The following GABRR3 variants were observed in gnomAD, a reference collection of about 807,000 sequenced individuals.
GABRR3 encodes gamma-aminobutyric acid type A receptor subunit rho3.
A neutral mutation model predicts 43.2 loss-of-function variants in GABRR3; 29 were observed. The ratio of observed to expected loss-of-function variants is 0.67; its 90% CI spans 0.50 to 0.92. The LOEUF (loss-of-function observed/expected upper bound fraction) is 0.92, where lower values mean the gene tolerates loss of function less well. Among genes scored for constraint, GABRR3 ranks in the 40% least tolerant of loss-of-function variants. The pLI, the probability that GABRR3 is intolerant of heterozygous loss-of-function variation, is 0.00. For missense variants in GABRR3, 576 were observed against 572.3 expected, an observed-to-expected ratio of 1.01 and a Z score of -0.07; for synonymous variants, 206 against 195.9, an observed-to-expected ratio of 1.05 and a Z score of -0.43.
At chr3:98,016,110 A>G (rs927331936) in intron 4 of GABRR3, among the ~76,000 whole-genome samples, 1 of 152,050 alleles carries the variant, frequency 6.6e-6, no homozygotes, top group Non-Finnish European at 1.5e-5. Flanking sequence ...TATCACAAGA[A>G]CAGCATGGGG....
intron 9 of GABRR3, among the ~76,000 whole-genome samples, chr3:97,988,655 G>A (rs568827253): frequency 6.7e-6 from 1 of 150,036 alleles, no homozygotes; most frequent in African/African-American, 2.4e-5. Context: ...ATAGATGGTG[G>A]GTGGTGTTGG....
chr3:97,991,642 G>A (rs1428696166), intron 9 of GABRR3, among the ~76,000 whole-genome samples: 1 of 152,180 alleles, frequency 6.6e-6, no homozygotes, highest in African/African-American at 2.4e-5. Flanking sequence ...TGTTGGCTGA[G>A]AATCTGTTGG....
At chr3:98,001,839 T>C in intron 7 of GABRR3, 72 bp from the exon 8 acceptor site, 1 of 1,542,726 alleles carries the variant, frequency 6.5e-7, no homozygotes, top group Non-Finnish European at 8.9e-7. Context: ...TGAAATGACC[T>C]GCTTCTTTAG....
intron 8 of GABRR3, 172 bp downstream of exon 8, chr3:98,001,443 A>G (rs146573684): frequency 0.012 from 7,579 of 646,330 alleles, 75 homozygotes; most frequent in Non-Finnish European, 0.016. Context: ...AAAGAACTCA[A>G]TTACAATTTG....
At chr3:98,007,664 G>A (rs1240683692) in intron 7 of GABRR3, 100 bp downstream of exon 7, 1 of 1,274,196 alleles carries the variant, frequency 7.8e-7, no homozygotes, top group Non-Finnish European at 1.1e-6. Context: ...TGGCCAAAGG[G>A]GACACTCGCT....
At chr3:98,014,728 A>G (rs1706852746) in intron 4 of GABRR3, among the ~76,000 whole-genome samples, 1 of 152,214 alleles carries the variant, frequency 6.6e-6, no homozygotes, top group African/African-American at 2.4e-5. Context: ...TGTGTTCTGA[A>G]CTTTTAGTGA....
At position 98,025,692 on chromosome 3, in the gene GABRR3, AG is replaced by A; in HGVS notation, c.126-14del. 3 of 1,569,192 alleles carry A rather than the reference AG, an allele frequency of 1.9e-6. No homozygotes were observed. The highest frequency in any genetic ancestry group is 1.2e-5 in the South Asian group (1 of 86,036). Reference sequence around the variant, plus strand: ...AGTTTCTTGTTTGCTGTTCCCCCAAAGGGAAAAAAAAAACTTCTGAGATACA... The same window carrying A: ...AGTTTCTTGTTTGCTGTTCCCCCAAAGGAAAAAAAAAACTTCTGAGATACA... On this transcript the variant is annotated splice_polypyrimidine_tract_variant and intron_variant, in intron 2 of 9. Transcript: ENST00000621172.
At chr3:98,034,552 A>G (rs1707128135) in intron 2 of GABRR3, among the ~76,000 whole-genome samples, 2 of 152,200 alleles carry the variant, frequency 1.3e-5, no homozygotes, top group Non-Finnish European at 2.9e-5. Context: ...TATTTAATGT[A>G]TTAGTAATAA....
rs551439895 is a variant in GABRR3, at chr3:98,012,632, A to G, written c.307-65T>C. The G allele has an allele frequency of 6.4e-6, 7 of 1,086,952 alleles. No individual in the cohort carries two copies. The African/African-American group carries it at 1.1e-4, about 17-fold the overall frequency. 67.3% of individuals were successfully genotyped at this position (1,086,952 alleles called of 1,614,324 possible). ...ATATGGTTCAGGATGACCACTCAAC[A>G]CTGTTAGTCCCAGGACTCATTCCTA... On this transcript the variant is annotated intron_variant, in intron 4 of 9. Transcript: ENST00000621172.
intron 8 of GABRR3, 55 bp downstream of exon 8, chr3:98,001,560 C>A (rs573295931): frequency 1.9e-6 from 3 of 1,587,746 alleles, no homozygotes; most frequent in Non-Finnish European, 2.6e-6. Context: ...ATTTTATTTA[C>A]CTCCCTTGAA....
chr3:97,987,639 T>C (rs918833677), intron 9 of GABRR3, among the ~76,000 whole-genome samples: 1 of 152,234 alleles, frequency 6.6e-6, no homozygotes, highest in Admixed American at 6.5e-5. Flanking sequence ...CTTCGATTTA[T>C]AGTGATTTAA....
chr3:98,018,337 C>T (rs576652264), intron 3 of GABRR3, among the ~76,000 whole-genome samples: 2 of 152,328 alleles, frequency 1.3e-5, no homozygotes, highest in Non-Finnish European at 2.9e-5. Context: ...TGCAGATCAG[C>T]AGCAACCACA....
At chr3:98,031,693 T>C (rs984942018) in intron 2 of GABRR3, among the ~76,000 whole-genome samples, 6 of 151,982 alleles carry the variant, frequency 3.9e-5, no homozygotes, top group Middle Eastern at 3.4e-3. Context: ...TAGTGAACTA[T>C]GATTGGACCA....
At chr3:98,020,203 T>A (rs146273067) in intron 3 of GABRR3, among the ~76,000 whole-genome samples, 1 of 152,206 alleles carries the variant, frequency 6.6e-6, no homozygotes, top group East Asian at 1.9e-4. Flanking sequence ...GCTCCACAAT[T>A]GTTATGTGAA....
At chr3:97,993,902 G>A (rs555005641) in intron 8 of GABRR3, among the ~76,000 whole-genome samples, 5 of 152,136 alleles carry the variant, frequency 3.3e-5, no homozygotes, top group Non-Finnish European at 7.3e-5. Flanking sequence ...GGAAAATGGA[G>A]AACGAAGTGA....
At chr3:98,019,279 C>T (rs1040029547) in intron 3 of GABRR3, among the ~76,000 whole-genome samples, 10 of 152,264 alleles carry the variant, frequency 6.6e-5, no homozygotes, top group South Asian at 2.1e-4. Context: ...GCCTATAATT[C>T]GACAGCCCTT....
At chr3:98,009,154 T>C (rs1018096219) in intron 5 of GABRR3, 116 bp from the exon 6 acceptor site, 1 of 643,052 alleles carries the variant, frequency 1.6e-6, no homozygotes, top group Non-Finnish European at 2.8e-6. Flanking sequence ...TCAAGAATAA[T>C]GCAAAACAGG....
chr3:98,035,253 G>A lies in GABRR3; in HGVS notation c.-66C>T, dbSNP rs750049349. On this transcript the variant is annotated 5_prime_UTR_variant, in exon 1 of 10. Coordinates refer to ENST00000621172, the Ensembl canonical transcript of GABRR3. ...TTAAAATTTTCAGTTTACATCCTTT[G>A]GTCCCTTTTTCCGGGGAAGGTTTTT... is the stretch of plus-strand genomic sequence containing the variant. 1.3e-4 allele frequency: 56 copies of A among 415,168 alleles called. 1 individual carries two copies. Among genetic ancestry groups the A allele is most frequent in the Non-Finnish European group, 2.2e-4 (50 of 228,188 alleles). The allele number at this position is 415,168 out of a possible 1,614,324, so 25.7% of individuals were successfully genotyped here.
At chr3:98,026,462 T>G (rs1231871659) in intron 2 of GABRR3, among the ~76,000 whole-genome samples, 2 of 152,308 alleles carry the variant, frequency 1.3e-5, no homozygotes, top group East Asian at 1.9e-4. Flanking sequence ...ATTTGTTTTC[T>G]GCCCTGTGAC....
Sources: allele counts gnomAD v4.1 joint callset (sites outside exome capture counted in the v4.1 genomes callset), GRCh38; gene constraint gnomAD v4.1.1; transcripts MANE v1.5; gene names NCBI Gene and HGNC (gene_info 2026-07-23, HGNC 2026-07-21).